The following DIP2C variants were observed in gnomAD, a reference collection of about 807,000 sequenced individuals.
DIP2C encodes the protein DIP2 acetate--CoA ligase C (putative).
DIP2C carries 33 observed loss-of-function variants against 192.4 expected under a neutral mutation model. The observed-to-expected ratio is 0.17, with a 90% CI of 0.13 to 0.23. The LOEUF (loss-of-function observed/expected upper bound fraction) is 0.23, where lower values mean the gene tolerates loss of function less well. Ranked by LOEUF, DIP2C falls within the 10% of genes least tolerant of loss-of-function variation. The probability of loss-of-function intolerance (pLI) is 1.00; values close to 1 mark genes in which losing one functional copy is unlikely to be tolerated. For missense variants in DIP2C, 1,537 were observed against 2,110.1 expected (o/e 0.73, Z 5.32); for synonymous variants, 979 against 864.1 (o/e 1.13, Z -2.33).
rs1460416029 is a variant in DIP2C, at chr10:276,466, A to G, written c.*859T>C. On this transcript the variant is annotated 3_prime_UTR_variant, in exon 37 of 37. Transcript: ENST00000280886. ...TAGTGAATTTATATTTCATATATATATATTTGTTGTGATACTATCCACGCA... is the reference window on the plus strand; with the variant it reads ...TAGTGAATTTATATTTCATATATATGTATTTGTTGTGATACTATCCACGCA... 1 of 152,662 alleles carries G rather than the reference A, an allele frequency of 6.6e-6. No homozygotes were observed. The highest frequency in any genetic ancestry group is 1.5e-5 in the Non-Finnish European group (1 of 68,046). The allele number at this position is 152,662 out of a possible 1,614,324, so 9.5% of individuals were successfully genotyped here. A position where few individuals can be genotyped will look rare whatever the true frequency, so the allele number is the denominator to read the frequency against.
In DIP2C at chr10:506,035, G is replaced by A. The variant is rs551607945; in HGVS notation, c.86-19505C>T. Among the ~76,000 whole-genome samples the A allele has an allele frequency of 3.3e-5, 5 of 152,302 alleles. No homozygotes were observed. In the South Asian group the frequency reaches 1.0e-3, roughly 32 times the overall value. ...CAAAAGGAGGTTGTGACATCTACAC[G>A]ATGTCACATTTGGCAGCACAAGGGA... On this transcript the variant is annotated intron_variant, in intron 1 of 36. Coordinates refer to ENST00000280886, the MANE Select transcript of DIP2C (RefSeq NM_014974.3).
intron 1 of DIP2C, among the ~76,000 whole-genome samples, chr10:610,603 G>T (rs1156654901): frequency 6.6e-6 from 1 of 152,232 alleles, no homozygotes; most frequent in African/African-American, 2.4e-5. Flanking sequence ...ACCAATGACA[G>T]AATCGTTTGC....
At chr10:445,020 CGTTTT>C (rs894319801) in intron 3 of DIP2C, among the ~76,000 whole-genome samples, 1 of 152,216 alleles carries the variant, frequency 6.6e-6, no homozygotes, top group Non-Finnish European at 1.5e-5. Flanking sequence ...GTGGCCGTGC[CGTTTT>C]AAGTCTCCAT....
At chr10:675,007 A>G (rs1830824994) in intron 1 of DIP2C, among the ~76,000 whole-genome samples, 1 of 152,076 alleles carries the variant, frequency 6.6e-6, no homozygotes, top group African/African-American at 2.4e-5. Context: ...TCCTCAGCAC[A>G]TGGAACATTC....
chr10:409,862 C>T (rs1965069932), intron 8 of DIP2C, among the ~76,000 whole-genome samples: 2 of 152,294 alleles, frequency 1.3e-5, no homozygotes, highest in South Asian at 4.2e-4. Flanking sequence ...GACTTTAAAG[C>T]CTAAAATGAG....
At chr10:630,640 G>C (rs914300199) in intron 1 of DIP2C, 1 of 152,278 alleles carries the variant, frequency 6.6e-6, no homozygotes, top group Non-Finnish European at 1.5e-5. Flanking sequence ...TACCATGGCC[G>C]ACGGCCTGAT....
intron 17 of DIP2C, 199 bp downstream of exon 17, chr10:382,448 A>G: frequency 5.8e-6 from 3 of 514,634 alleles, no homozygotes; most frequent in Non-Finnish European, 1.0e-5. Context: ...AGAGCGATAA[A>G]TGTTTTTTAA....
chr10:338,122 TG>T (rs1398631637), intron 29 of DIP2C, among the ~76,000 whole-genome samples: 7 of 152,240 alleles, frequency 4.6e-5, no homozygotes, highest in African/African-American at 1.7e-4. Context: ...AAATTATTTT[TG>T]TATAGTTGTA....
chr10:520,420 TTAAAG>T (rs1846624486), intron 1 of DIP2C, among the ~76,000 whole-genome samples: 1 of 152,218 alleles, frequency 6.6e-6, no homozygotes, highest in South Asian at 2.1e-4. Flanking sequence ...AGAAATAAAT[TTAAAG>T]TAATTTCTGC....
intron 31 of DIP2C, among the ~76,000 whole-genome samples, chr10:312,654 G>A (rs1479849507): frequency 2.6e-5 from 4 of 152,160 alleles, no homozygotes; most frequent in African/African-American, 9.7e-5. Flanking sequence ...ACTCTTCTCT[G>A]TTACTTCTCT....
At chr10:292,592 G>A (rs965947516) in intron 32 of DIP2C, among the ~76,000 whole-genome samples, 2 of 152,224 alleles carry the variant, frequency 1.3e-5, no homozygotes, top group African/African-American at 4.8e-5. Context: ...GAAGGCTGAA[G>A]CCCTGATGGC....
intron 1 of DIP2C, chr10:669,440 CAGTGTT>C (rs1485747679): frequency 3.3e-5 from 5 of 152,180 alleles, no homozygotes; most frequent in Non-Finnish European, 7.3e-5. Context: ...CCCGTGGTAA[CAGTGTT>C]AGCGCTTTCA....
At chr10:629,157 C>T (rs1854364244) in intron 1 of DIP2C, among the ~76,000 whole-genome samples, 1 of 152,130 alleles carries the variant, frequency 6.6e-6, no homozygotes, top group South Asian at 2.1e-4. Context: ...GGAGCACAGA[C>T]GGAAGGAACT....
At chr10:614,920 G>C (rs1853349868) in intron 1 of DIP2C, among the ~76,000 whole-genome samples, 1 of 152,284 alleles carries the variant, frequency 6.6e-6, no homozygotes, top group Middle Eastern at 3.4e-3. Flanking sequence ...ACACAAGCGT[G>C]ACCCCCATGG....
chr10:429,738 T>C (rs1966838927), intron 4 of DIP2C, among the ~76,000 whole-genome samples: 1 of 152,098 alleles, frequency 6.6e-6, no homozygotes, highest in South Asian at 2.1e-4. Flanking sequence ...CATCCAATAA[T>C]ATCCCATTGT....
At position 382,732 on chromosome 10, in the gene DIP2C, T is replaced by C; in HGVS notation, c.1906A>G (p.Asn636Asp). The change falls in exon 17 of 37, where the codon AAT (asparagine) becomes GAT (aspartate). Residue 636 changes from asparagine to aspartate, a missense_variant. Asn to Asp is a conservative substitution (Grantham distance 23). Coordinates refer to ENST00000280886, the MANE Select transcript of DIP2C (RefSeq NM_014974.3). Reference sequence around the variant, plus strand: ...CGAAGGCCTTTACTTTGGAAGACATTGAGAAATGCATCGCAAGAAGAAATA... The same window carrying C: ...CGAAGGCCTTTACTTTGGAAGACATCGAGAAATGCATCGCAAGAAGAAATA... ...WSISSCDAFL[N>D]VFQSKGLRQE... 6.2e-7 allele frequency: 1 copy of C among 1,613,464 alleles called. No individual in the cohort carries two copies.
intron 1 of DIP2C, among the ~76,000 whole-genome samples, chr10:522,057 C>A (rs1051840501): frequency 6.6e-6 from 1 of 151,922 alleles, no homozygotes; most frequent in African/African-American, 2.4e-5. Context: ...TGCTTCCCCA[C>A]CCTAAACAGC....
chr10:580,210 A>G (rs1588510078), intron 1 of DIP2C, among the ~76,000 whole-genome samples: 2 of 151,012 alleles, frequency 1.3e-5, no homozygotes, highest in East Asian at 2.0e-4. Context: ...GCACATATAT[A>G]TAATGTATAT....
chr10:651,763 T>A lies in DIP2C; in HGVS notation c.85+37731A>T, dbSNP rs1855923198. The A allele has an allele frequency of 1.8e-5, 5 of 274,564 alleles. No homozygotes were observed. In the Admixed American group the frequency reaches 2.5e-4, roughly 14 times the overall value. 17.0% of individuals were successfully genotyped at this position (274,564 alleles called of 1,614,324 possible). On this transcript the variant is annotated intron_variant, in intron 1 of 36. Transcript: ENST00000280886. The surrounding 1 kb of genome is among the most constrained non-coding windows in gnomAD (Gnocchi z 4.1). ...AAGTGGCCTGAGCTGAGAGGGGGCC[T>A]GGCATCGCCCACCCAGGTCATCAGT...
Sources: allele counts gnomAD v4.1 joint callset (sites outside exome capture counted in the v4.1 genomes callset), GRCh38; gene constraint gnomAD v4.1.1; non-coding constraint Gnocchi (gnomAD v3.1); transcripts MANE v1.5; gene names NCBI Gene and HGNC (gene_info 2026-07-23, HGNC 2026-07-21).